Variants in SAMD3 observed in about 807,000 individuals in gnomAD.
The protein encoded by SAMD3 is sterile alpha motif domain containing 3.
In SAMD3, 63 loss-of-function variants were observed where a neutral mutation model predicts 58.5. The observed-to-expected ratio is 1.08, with a 90% CI of 0.88 to 1.33. SAMD3 has a LOEUF of 1.33. Among genes scored for constraint, SAMD3 ranks in the 40% most tolerant of loss-of-function variants. The pLI is 0.00. For synonymous variants in SAMD3, 220 were observed against 210.3 expected (o/e 1.05, Z -0.40); for missense variants, 604 against 608.4 (o/e 0.99, Z 0.08).
chr6:130,213,184 A>G (rs760274171), intron 4 of SAMD3, among the ~76,000 whole-genome samples: 1 of 151,996 alleles, frequency 6.6e-6, no homozygotes, highest in Non-Finnish European at 1.5e-5. Flanking sequence ...TGTAATCCCA[A>G]CTGCTTGGGA....
chr6:130,196,614 C>T (rs1225631733), intron 5 of SAMD3, among the ~76,000 whole-genome samples: 9 of 152,208 alleles, frequency 5.9e-5, no homozygotes, highest in African/African-American at 1.9e-4. Context: ...TCCTTTCCAT[C>T]GTGGAAATCT....
intron 2 of SAMD3, among the ~76,000 whole-genome samples, chr6:130,270,748 A>G (rs544764138): frequency 2.0e-5 from 3 of 152,326 alleles, no homozygotes; most frequent in African/African-American, 7.2e-5. Flanking sequence ...ATCCCATTGT[A>G]TGAATAAATA....
intron 4 of SAMD3, among the ~76,000 whole-genome samples, chr6:130,211,519 A>T (rs562237130): frequency 6.6e-6 from 1 of 151,872 alleles, no homozygotes; most frequent in Non-Finnish European, 1.5e-5. Context: ...CCTGACCTCA[A>T]GTGATCTGCC....
intron 1 of SAMD3, among the ~76,000 whole-genome samples, chr6:130,342,024 G>A (rs1457126446): frequency 6.6e-6 from 1 of 152,112 alleles, no homozygotes; most frequent in Non-Finnish European, 1.5e-5. Context: ...GCTTTGTTTT[G>A]GGACAGTAGT....
chr6:130,247,330 T>C (rs113836392), intron 2 of SAMD3, among the ~76,000 whole-genome samples: 2,946 of 151,790 alleles, frequency 0.019, 94 homozygotes, highest in African/African-American at 0.067. Flanking sequence ...CTTAGCGAAG[T>C]ATGGTGCACA....
At chr6:130,249,034 A>T (rs1274739000) in intron 2 of SAMD3, among the ~76,000 whole-genome samples, 1 of 152,198 alleles carries the variant, frequency 6.6e-6, no homozygotes, top group East Asian at 1.9e-4. Flanking sequence ...ATCATTTGGA[A>T]ATCCACCCTT....
intron 2 of SAMD3, among the ~76,000 whole-genome samples, chr6:130,247,757 T>G (rs1773601848): frequency 6.6e-6 from 1 of 152,222 alleles, no homozygotes; most frequent in Admixed American, 6.5e-5. Flanking sequence ...CAGACATATT[T>G]GACTGCTACG....
At chr6:130,215,666 AC>A (rs1795963252) in intron 2 of SAMD3, 2 of 1,408,672 alleles carry the variant, frequency 1.4e-6, no homozygotes, top group East Asian at 5.1e-5. Flanking sequence ...GAAATTCACC[AC>A]TACCAGGCTC....
intron 5 of SAMD3, among the ~76,000 whole-genome samples, chr6:130,192,992 C>A (rs563143766): frequency 3.3e-5 from 5 of 152,176 alleles, no homozygotes; most frequent in Admixed American, 3.3e-4. Flanking sequence ...CTGGTAGAGA[C>A]AAAGGAGACA....
At chr6:130,265,058 T>A (rs765003877) in intron 2 of SAMD3, among the ~76,000 whole-genome samples, 8 of 152,246 alleles carry the variant, frequency 5.3e-5, no homozygotes, top group Non-Finnish European at 1.0e-4. Flanking sequence ...ACCCCCATGC[T>A]GTGGTGACTT....
intron 2 of SAMD3, among the ~76,000 whole-genome samples, chr6:130,294,347 C>T (rs1775484102): frequency 6.6e-6 from 1 of 152,104 alleles, no homozygotes; most frequent in Non-Finnish European, 1.5e-5. Context: ...ATAAACTTTT[C>T]TTCAGGGTAT....
intron 7 of SAMD3, 88 bp from the exon 8 acceptor site, chr6:130,176,096 T>A (rs746389108): frequency 1.4e-5 from 14 of 1,006,182 alleles, no homozygotes; most frequent in Non-Finnish European, 2.0e-5. Flanking sequence ...AATACATACC[T>A]ATCATCTTTG....
chr6:130,277,159 C>T (rs1403738981), intron 2 of SAMD3, among the ~76,000 whole-genome samples: 1 of 152,222 alleles, frequency 6.6e-6, no homozygotes, highest in Non-Finnish European at 1.5e-5. Flanking sequence ...TCTCATTTAA[C>T]TCTGCCTACA....
At chr6:130,323,802 CAAAAAAAAAAA>C (rs766078214) in intron 1 of SAMD3, among the ~76,000 whole-genome samples, 1 of 53,544 alleles carries the variant, frequency 1.9e-5, no homozygotes, top group Non-Finnish European at 3.3e-5. Context: ...GACTCTGTCT[CAAAAAAAAAAA>C]AAAAAAAAAA....
At chr6:130,308,355 A>ATTCTATTCTATTCTATTCT (rs1775983292) in intron 2 of SAMD3, among the ~76,000 whole-genome samples, 3 of 14,662 alleles carry the variant, frequency 2.0e-4, no homozygotes, top group African/African-American at 6.6e-4. Flanking sequence ...ATAGAATTCT[A>ATTCTATTCTATTCTATTCT]TTCTATTCTA....
intron 1 of SAMD3, among the ~76,000 whole-genome samples, chr6:130,217,306 G>A (rs1209148525): frequency 1.3e-5 from 2 of 152,072 alleles, no homozygotes; most frequent in South Asian, 2.1e-4. Flanking sequence ...TATATCAAAT[G>A]AGAAAAGATA....
intron 1 of SAMD3, among the ~76,000 whole-genome samples, chr6:130,330,957 A>G (rs144576796): frequency 6.6e-6 from 1 of 152,238 alleles, no homozygotes; most frequent in Non-Finnish European, 1.5e-5. Flanking sequence ...CAGAATACGG[A>G]TGAGTTTAGC....
upstream of SAMD3, among the ~76,000 whole-genome samples, chr6:130,223,990 G>A (rs1388476050): frequency 6.6e-6 from 1 of 152,170 alleles, no homozygotes; most frequent in African/African-American, 2.4e-5. Context: ...TGTAGGCTTG[G>A]AGAATGGGTG....
intron 2 of SAMD3, among the ~76,000 whole-genome samples, chr6:130,230,374 G>A (rs908425532): frequency 4.6e-5 from 7 of 152,004 alleles, no homozygotes; most frequent in Admixed American, 1.3e-4. Context: ...AGGTTTGTTC[G>A]CCTCTCCTTC....
Sources: allele counts gnomAD v4.1 joint callset (sites outside exome capture counted in the v4.1 genomes callset), GRCh38; gene constraint gnomAD v4.1.1; transcripts MANE v1.5; gene names NCBI Gene and HGNC (gene_info 2026-07-23, HGNC 2026-07-21).